The following DDX25 variants were observed in gnomAD, a reference collection of about 807,000 sequenced individuals.
DDX25 encodes the protein ATP-dependent RNA helicase DDX25.
Under a neutral mutation model 64.6 loss-of-function variants are expected in DDX25, and 70 were observed. The observed-to-expected ratio is 1.08, with a 90% CI of 0.89 to 1.32. DDX25 has a LOEUF of 1.32. DDX25 is among the 40% of genes most tolerant of loss of function. The pLI is 0.00. For missense variants in DDX25, 587 were observed against 604.4 expected (o/e 0.97, Z 0.30); for synonymous variants, 211 against 213.3 (o/e 0.99, Z 0.09).
chr11:125,910,391 T>C lies in DDX25; in HGVS notation c.535T>C (p.Leu179=), dbSNP rs748920550. 2 of 1,613,970 alleles carry C rather than the reference T, an allele frequency of 1.2e-6. No individual in the cohort carries two copies. The highest frequency in any genetic ancestry group is 2.2e-5 in the South Asian group (2 of 91,076). ...QCLCLAPTYE[L]ALQTGRVVEQ... ...CCTCTGCCTAGCTCCTACTTATGAA[T>C]TGGCTCTGCAAACTGGCCGTGTGGT... The change falls in exon 7 of 12, where the codon TTG becomes CTG. Residue 179 remains leucine, a synonymous_variant. Transcript: ENST00000263576.
At chr11:125,920,172 C>A (rs552534297) in intron 10 of DDX25, among the ~76,000 whole-genome samples, 10 of 152,294 alleles carry the variant, frequency 6.6e-5, no homozygotes, top group African/African-American at 2.4e-4. Flanking sequence ...TGCGGTGGCT[C>A]ACGCCTGTAA....
chr11:125,921,148 G>A lies in DDX25; in HGVS notation c.1202-43G>A, dbSNP rs1205876152. On this transcript the variant is annotated intron_variant, in intron 10 of 11. Coordinates refer to ENST00000263576, the MANE Select transcript of DDX25 (RefSeq NM_013264.5). The surrounding 1 kb of genome is among the most constrained non-coding windows in gnomAD (Gnocchi z 4.1). Reference sequence around the variant, plus strand: ...GTGGTACTTGAATGGCCCGTGTACTGAGGAAAGCATTGCAGGACCCTACAG... The same window carrying A: ...GTGGTACTTGAATGGCCCGTGTACTAAGGAAAGCATTGCAGGACCCTACAG... The A allele has an allele frequency of 1.9e-6, 3 of 1,564,678 alleles. No individual in the cohort carries two copies. Among genetic ancestry groups the A allele is most frequent in the East Asian group, 2.3e-5 (1 of 43,812 alleles).
chr11:125,926,637 G>C lies in DDX25; in HGVS notation c.*3756G>C, dbSNP rs540453081. The C allele has an allele frequency of 2.0e-5, 3 of 151,306 alleles. No homozygotes were observed. Among genetic ancestry groups the C allele is most frequent in the African/African-American group, 7.3e-5 (3 of 41,046 alleles). 9.4% of individuals were successfully genotyped at this position (151,306 alleles called of 1,614,324 possible). A position where few individuals can be genotyped will look rare whatever the true frequency, so the allele number is the denominator to read the frequency against. ...GGCTCACTGCAAACTCTGCCTCCCC[G>C]GTTCAAGCAATTCTCCTGTCTCAGC... On this transcript the variant is annotated 3_prime_UTR_variant, in exon 12 of 12. Coordinates refer to ENST00000263576, the MANE Select transcript of DDX25 (RefSeq NM_013264.5).
intron 10 of DDX25, among the ~76,000 whole-genome samples, chr11:125,919,570 T>G (rs56345451): frequency 6.8e-6 from 1 of 147,362 alleles, no homozygotes; most frequent in Admixed American, 6.8e-5. Flanking sequence ...TTTTTTTTTT[T>G]CAAGAGAAGG....
At chr11:125,907,104 G>C (rs1372548535) in intron 4 of DDX25, among the ~76,000 whole-genome samples, 2 of 151,992 alleles carry the variant, frequency 1.3e-5, no homozygotes, top group Non-Finnish European at 2.9e-5. Flanking sequence ...TTCCCAAATG[G>C]GTTTGCATTC....
At chr11:125,909,819 T>A (rs927204898) in intron 6 of DDX25, among the ~76,000 whole-genome samples, 2 of 152,016 alleles carry the variant, frequency 1.3e-5, no homozygotes, top group Admixed American at 1.3e-4. Context: ...CTGGCTAATT[T>A]TTTTGTATTT....
intron 9 of DDX25, among the ~76,000 whole-genome samples, chr11:125,918,289 A>G (rs1165246494): frequency 6.6e-6 from 1 of 152,268 alleles, no homozygotes; most frequent in Non-Finnish European, 1.5e-5. Flanking sequence ...TGCCTGGCAC[A>G]TGGGAAGCAA....
chr11:125,917,292 C>T, intron 9 of DDX25, 41 bp downstream of exon 9: 2 of 1,544,662 alleles, frequency 1.3e-6, no homozygotes, highest in Non-Finnish European at 1.7e-6. Context: ...CCAGATATGC[C>T]TACAGGCCGA....
intron 8 of DDX25, among the ~76,000 whole-genome samples, chr11:125,916,478 A>C (rs771572802): frequency 1.3e-5 from 2 of 152,198 alleles, no homozygotes; most frequent in Non-Finnish European, 2.9e-5. Context: ...CTTTATGTGA[A>C]TCAGCCCTGT....
chr11:125,926,146 G>C lies in DDX25; in HGVS notation c.*3265G>C, dbSNP rs1945165464. 6.6e-6 allele frequency: 1 copy of C among 152,428 alleles called. No homozygotes were observed. Among genetic ancestry groups the C allele is most frequent in the African/African-American group, 2.4e-5 (1 of 41,432 alleles). The allele number at this position is 152,428 out of a possible 1,614,324, so 9.4% of individuals were successfully genotyped here. A position where few individuals can be genotyped will look rare whatever the true frequency, so the allele number is the denominator to read the frequency against. On this transcript the variant is annotated 3_prime_UTR_variant, in exon 12 of 12. Coordinates refer to ENST00000263576, the MANE Select transcript of DDX25 (RefSeq NM_013264.5). ...GAACCCCTGCAGAGACAGTCCAGCT[G>C]TTGGGATGGGCCTGCACTTTGCTCT...
At position 125,921,295 on chromosome 11, in the gene DDX25, G is replaced by A. The variant is rs1945112050; in HGVS notation, c.1306G>A (p.Gly436Arg). 2 of 1,613,632 alleles carry A rather than the reference G, an allele frequency of 1.2e-6. No homozygotes were observed. The highest frequency in any genetic ancestry group is 1.7e-6 in the Non-Finnish European group (2 of 1,179,764). The stretch of plus-strand genomic sequence containing the variant: ...CTACCTCCACCGCATAGGGCGGACG[G>A]GGCGCTTTGGGAAAAAAGGCCTTGC... ...ETYLHRIGRT[G>R]RFGKKGLAFN... Residue 436 changes from glycine to arginine, a missense_variant, in exon 11 of 12, where the codon GGG (glycine) becomes AGG (arginine). Physicochemically the swap from Gly to Arg is moderately radical, Grantham distance 125. Coordinates refer to ENST00000263576, the MANE Select transcript of DDX25 (RefSeq NM_013264.5). The surrounding 1 kb of genome is among the most constrained non-coding windows in gnomAD (Gnocchi z 4.1).
At chr11:125,922,169 A>T (rs1001023478) in intron 11 of DDX25, 2 of 152,144 alleles carry the variant, frequency 1.3e-5, no homozygotes, top group African/African-American at 4.8e-5. Flanking sequence ...GGCTCTGATG[A>T]TGGCCTGCTG....
intron 10 of DDX25, among the ~76,000 whole-genome samples, chr11:125,919,272 T>TA (rs1945080546): frequency 6.6e-6 from 1 of 152,208 alleles, no homozygotes; most frequent in South Asian, 2.1e-4. Flanking sequence ...GGTCTGTATT[T>TA]AGAGATATGC....
At chr11:125,911,221 G>T in intron 7 of DDX25, 90 bp from the exon 8 acceptor site, 1 of 1,168,152 alleles carries the variant, frequency 8.6e-7, no homozygotes, top group Non-Finnish European at 1.1e-6. Flanking sequence ...CTGTATTTTT[G>T]CTTATGAGCT....
chr11:125,921,168 C>T lies in DDX25; in HGVS notation c.1202-23C>T. ...GTACTGAGGAAAGCATTGCAGGACC[C>T]TACAGTGTTTTTCCTCTTCTAGGGA... On this transcript the variant is annotated intron_variant, in intron 10 of 11. Coordinates refer to ENST00000263576, the MANE Select transcript of DDX25 (RefSeq NM_013264.5). This position sits in a 1 kb window ranked among gnomAD's most constrained non-coding sequence, Gnocchi z 4.1. 6.3e-7 allele frequency: 1 copy of T among 1,599,408 alleles called. No individual in the cohort carries two copies. Among genetic ancestry groups the T allele is most frequent in the Non-Finnish European group, 8.5e-7 (1 of 1,173,204 alleles).
At chr11:125,914,195 G>A (rs1591518740) in intron 8 of DDX25, among the ~76,000 whole-genome samples, 1 of 152,166 alleles carries the variant, frequency 6.6e-6, no homozygotes, top group East Asian at 1.9e-4. Context: ...GTGACACTTG[G>A]CTAGCCTTTC....
Position 125,928,307 on chromosome 11 carries a change from A to AT in DDX25, c.*5430dup, listed in dbSNP as rs1945185448. On this transcript the variant is annotated 3_prime_UTR_variant, in exon 12 of 12. Transcript: ENST00000263576. ...GTTACCACACAGTGTTTGGGATTAT[A>AT]TTTTCAAAATAATAATTGACCAGAT... 6.6e-6 allele frequency: 1 copy of AT among 152,148 alleles called. No homozygotes were observed. The highest frequency in any genetic ancestry group is 2.1e-4 in the South Asian group (1 of 4,826). The allele number at this position is 152,148 out of a possible 1,614,324, so 9.4% of individuals were successfully genotyped here.
chr11:125,921,202 A>G lies in DDX25; in HGVS notation c.1213A>G (p.Lys405Glu). Residue 405 changes from lysine to glutamate, a missense_variant, in exon 11 of 12, where the codon AAG becomes GAG. Lys to Glu is a moderately conservative substitution (Grantham distance 56). Transcript: ENST00000263576. This position sits in a 1 kb window ranked among gnomAD's most constrained non-coding sequence, Gnocchi z 4.1. The part of the protein sequence containing the change: ...TNVCARGIDV[K>E]QVTIVVNFDL... ...TTTTCCTCTTCTAGGGATTGATGTGAAGCAGGTCACAATTGTTGTGAACTT... is the reference window on the plus strand; with the variant it reads ...TTTTCCTCTTCTAGGGATTGATGTGGAGCAGGTCACAATTGTTGTGAACTT... 3 of 1,610,804 alleles carry G rather than the reference A, an allele frequency of 1.9e-6. No individual in the cohort carries two copies. The highest frequency in any genetic ancestry group is 2.5e-6 in the Non-Finnish European group (3 of 1,178,886).
At position 125,925,618 on chromosome 11, in the gene DDX25, T is replaced by C; in HGVS notation, c.*2737T>C. 1 of 368,950 alleles carries C rather than the reference T, an allele frequency of 2.7e-6. No homozygotes were observed. Among genetic ancestry groups the C allele is most frequent in the Non-Finnish European group, 5.5e-6 (1 of 181,366 alleles). The allele number at this position is 368,950 out of a possible 1,614,324, so 22.9% of individuals were successfully genotyped here. A position where few individuals can be genotyped will look rare whatever the true frequency, so the allele number is the denominator to read the frequency against. On this transcript the variant is annotated 3_prime_UTR_variant, in exon 12 of 12. Coordinates refer to ENST00000263576, the MANE Select transcript of DDX25 (RefSeq NM_013264.5). ...GAGCTGGGTTCATCAGCTGTATGTT[T>C]CTTGGCACCAAATACTAAACCAAAT...
Sources: gnomAD v4.1 joint callset for allele counts (sites outside exome capture counted in the v4.1 genomes callset) on GRCh38, gnomAD v4.1.1 for gene constraint, Gnocchi (gnomAD v3.1) non-coding constraint, MANE v1.5 for transcripts, NCBI Gene and HGNC (gene_info 2026-07-23, HGNC 2026-07-21) for gene names.